IFNAR1: variants seen among roughly 807,000 people sequenced by gnomAD.
The protein encoded by IFNAR1 is interferon alpha and beta receptor subunit 1, also known as interferon alpha/beta receptor 1.
A neutral mutation model predicts 62.1 loss-of-function variants in IFNAR1; 47 were observed. That is an observed-to-expected ratio of 0.76 (90% CI 0.60 to 0.97). The LOEUF (loss-of-function observed/expected upper bound fraction) is 0.97, where lower values mean the gene tolerates loss of function less well. Among genes scored for constraint, IFNAR1 ranks in the 50% least tolerant of loss-of-function variants. The probability of loss-of-function intolerance (pLI) is 0.00; values close to 1 mark genes in which losing one functional copy is unlikely to be tolerated. For missense variants in IFNAR1, 638 were observed against 654.5 expected, an observed-to-expected ratio of 0.97 and a Z score of 0.27; for synonymous variants, 219 against 226.9, an observed-to-expected ratio of 0.97 and a Z score of 0.31.
At chr21:33,334,724 G>T in intron 1 of IFNAR1, 1 of 813,126 alleles carries the variant, frequency 1.2e-6, no homozygotes. Flanking sequence ...CCAGTGTCAA[G>T]TGATGCGCAG....
intron 1 of IFNAR1, among the ~76,000 whole-genome samples, chr21:33,326,415 G>A (rs909169056): frequency 6.6e-6 from 1 of 152,104 alleles, no homozygotes; most frequent in Non-Finnish European, 1.5e-5. Flanking sequence ...ATGTTGGCCA[G>A]GCTGGTCTCG....
At chr21:33,348,175 G>T (rs754524070) in intron 6 of IFNAR1, among the ~76,000 whole-genome samples, 4 of 152,170 alleles carry the variant, frequency 2.6e-5, no homozygotes, top group Non-Finnish European at 5.9e-5. Flanking sequence ...TTATAACCCC[G>T]CAGTGTGTCT....
rs759624093 is a variant in IFNAR1, at chr21:33,345,259, A to G, written c.687A>G (p.Leu229=). The G allele has an allele frequency of 3.8e-6, 6 of 1,565,226 alleles. No homozygotes were observed. The highest frequency in any genetic ancestry group is 3.5e-6 in the Non-Finnish European group (4 of 1,136,568). Residue 229 remains leucine, a synonymous_variant, in exon 6 of 11, where the codon CTA becomes CTG. Coordinates refer to ENST00000270139, the MANE Select transcript of IFNAR1 (RefSeq NM_000629.3). ...TTTGGCTTCTAGTTGAAAATGAACT[A>G]CCTCCACCAGAAAATATAGAAGTCA... is the stretch of plus-strand genomic sequence containing the variant. The part of the protein sequence containing the change: ...HCIKTTVENE[L]PPPENIEVSV...
rs916948692 is a variant in IFNAR1 at position 33,353,690 on chromosome 21, T to C, written c.1347T>C (p.Ala449=). The C allele has an allele frequency of 6.3e-7, 1 of 1,582,960 alleles. No individual in the cohort carries two copies. The highest frequency in any genetic ancestry group is 8.6e-7 in the Non-Finnish European group (1 of 1,167,144). ...LIVGICIALF[A]LPFVIYAAKV... is the part of the protein sequence containing the mutation. The stretch of plus-strand genomic sequence containing the variant: ...TTGGAATTTGTATTGCATTATTTGC[T>C]CTCCCGTTTGTCATTTATGCTGCGA... Residue 449 remains alanine (A), a synonymous_variant, in exon 10 of 11, where the codon GCT becomes GCC. Coordinates refer to ENST00000270139, the MANE Select transcript of IFNAR1 (RefSeq NM_000629.3).
At position 33,359,110 on chromosome 21, in the gene IFNAR1, AATT is replaced by A. The variant is rs2083476538; in HGVS notation, c.*3565_*3567del. The A allele has an allele frequency of 6.6e-6, 1 of 152,158 alleles. No individual in the cohort carries two copies. The highest frequency in any genetic ancestry group is 2.4e-5 in the African/African-American group (1 of 41,436). 9.4% of individuals were successfully genotyped at this position (152,158 alleles called of 1,614,324 possible). ...CCAGTAATGAAAGTACTTAGAAAAT[AATT>A]ATTGAATGAATGAAATCTAAACTGT... is the stretch of plus-strand genomic sequence containing the variant. On this transcript the variant is annotated 3_prime_UTR_variant, in exon 11 of 11. Coordinates refer to ENST00000270139, the MANE Select transcript of IFNAR1 (RefSeq NM_000629.3).
chr21:33,339,188 A>G (rs1388737002), intron 2 of IFNAR1, among the ~76,000 whole-genome samples: 4 of 152,172 alleles, frequency 2.6e-5, no homozygotes, highest in Admixed American at 6.5e-5. Context: ...AAATTATATT[A>G]AGTTTTAAAT....
At chr21:33,335,436 C>A in intron 1 of IFNAR1, 88 bp from the exon 2 acceptor site, 1 of 689,298 alleles carries the variant, frequency 1.5e-6, no homozygotes, top group Non-Finnish European at 2.3e-6. Context: ...TGTATTCATT[C>A]TTTAATCAGG....
intron 2 of IFNAR1, among the ~76,000 whole-genome samples, chr21:33,337,791 T>A (rs1268294509): frequency 1.5e-5 from 1 of 68,072 alleles, no homozygotes; most frequent in Admixed American, 1.5e-4. Context: ...TATGTATATG[T>A]ATATACACAC....
At chr21:33,329,832 G>T (rs1164340335) in intron 1 of IFNAR1, among the ~76,000 whole-genome samples, 1 of 152,172 alleles carries the variant, frequency 6.6e-6, no homozygotes. Flanking sequence ...TTGCAATCTA[G>T]TTGGAGATTT....
intron 6 of IFNAR1, 53 bp downstream of exon 6, chr21:33,345,413 C>T (rs2083336288): frequency 1.0e-6 from 1 of 953,552 alleles, no homozygotes; most frequent in African/African-American, 1.6e-5. Flanking sequence ...GATTATGCTT[C>T]TTTTCGCTCT....
chr21:33,351,412 C>T (rs1471180461), intron 8 of IFNAR1, among the ~76,000 whole-genome samples: 1 of 152,178 alleles, frequency 6.6e-6, no homozygotes. Context: ...CTGGAGCTGA[C>T]CTAAACCCCA....
At chr21:33,344,773 T>C (rs28513622) in intron 5 of IFNAR1, among the ~76,000 whole-genome samples, 21 of 91,166 alleles carry the variant, frequency 2.3e-4, no homozygotes, top group Admixed American at 2.9e-4. Flanking sequence ...TACTTATTTA[T>C]TTATTTATTT....
At chr21:33,353,387 A>G (rs1371178766) in intron 9 of IFNAR1, among the ~76,000 whole-genome samples, 3 of 152,138 alleles carry the variant, frequency 2.0e-5, no homozygotes, top group South Asian at 2.1e-4. Flanking sequence ...GGATACTTGC[A>G]TGTTTGGCCT....
At chr21:33,345,078 G>A (rs1399828555) in intron 5 of IFNAR1, among the ~76,000 whole-genome samples, 168 bp from the exon 6 acceptor site, 1 of 152,164 alleles carries the variant, frequency 6.6e-6, no homozygotes, top group Non-Finnish European at 1.5e-5. Flanking sequence ...GTGAGCCACT[G>A]CGCCCGGCCT....
At chr21:33,326,243 TGCCCAGGC>T in intron 1 of IFNAR1, among the ~76,000 whole-genome samples, 1 of 150,280 alleles carries the variant, frequency 6.7e-6, no homozygotes. Flanking sequence ...GACAGCCTGT[TGCCCAGGC>T]TGGTGTGCAG....
chr21:33,335,032 A>T (rs1236916176), intron 1 of IFNAR1: 1 of 1,374,416 alleles, frequency 7.3e-7, no homozygotes, highest in African/African-American at 1.4e-5. Flanking sequence ...ATTATTTGTG[A>T]TGATGTCACC....
chr21:33,330,463 A>C (rs2083165884), intron 1 of IFNAR1, among the ~76,000 whole-genome samples: 1 of 152,182 alleles, frequency 6.6e-6, no homozygotes, highest in African/African-American at 2.4e-5. Flanking sequence ...GGAAAGGCTC[A>C]GGAGAGACCT....
rs1316837326 is a variant in IFNAR1 at position 33,341,111 on chromosome 21, A to G, written c.313A>G (p.Arg105Gly). 6.2e-7 allele frequency: 1 copy of G among 1,613,610 alleles called. No homozygotes were observed. Among genetic ancestry groups the G allele is most frequent in the Non-Finnish European group, 8.5e-7 (1 of 1,179,636 alleles). ...NVYEEIKLRI[R>G]AEKENTSSWY... is the part of the protein sequence containing the mutation. ...TTATGAAGAAATTAAATTGCGTATA[A>G]GAGCAGAAAAAGAAAACACTTCTTC... The change falls in exon 3 of 11, where the codon AGA becomes GGA. Residue 105 changes from arginine to glycine, a missense_variant. Transcript: ENST00000270139.
At chr21:33,340,331 A>T (rs756492751) in intron 2 of IFNAR1, among the ~76,000 whole-genome samples, 2 of 152,052 alleles carry the variant, frequency 1.3e-5, no homozygotes, top group African/African-American at 2.4e-5. Flanking sequence ...GGAATCATCA[A>T]ATCCAATTCC....
Sources: gnomAD v4.1 joint callset for allele counts (sites outside exome capture counted in the v4.1 genomes callset) on GRCh38, gnomAD v4.1.1 for gene constraint, MANE v1.5 for transcripts, NCBI Gene and HGNC (gene_info 2026-07-23, HGNC 2026-07-21) for gene names.